The following LOC400499 variants were observed in gnomAD, a reference collection of about 807,000 sequenced individuals.
the LOC400499 span, among the ~76,000 whole-genome samples, chr16:11,440,349 C>T: frequency 6.6e-6 from 1 of 152,192 alleles, no homozygotes; most frequent in South Asian, 2.1e-4. Flanking sequence ...AGAACCCAGG[C>T]AGGAATGACC....
At chr16:11,466,014 T>A in the LOC400499 span, among the ~76,000 whole-genome samples, 1 of 152,158 alleles carries the variant, frequency 6.6e-6, no homozygotes, top group African/African-American at 2.4e-5. Flanking sequence ...GGCAGAATAT[T>A]TGTAAGAGCA....
At chr16:11,455,883 G>T in the LOC400499 span, among the ~76,000 whole-genome samples, 25 of 151,508 alleles carry the variant, frequency 1.7e-4, no homozygotes, top group Non-Finnish European at 2.9e-4. Context: ...TTTAGAAAAC[G>T]TAGTTCAGGT....
At chr16:11,409,873 A>T in the LOC400499 span, among the ~76,000 whole-genome samples, 1 of 132,746 alleles carries the variant, frequency 7.5e-6, no homozygotes, top group African/African-American at 2.6e-5. Flanking sequence ...AAATTTATGT[A>T]ACAGATAAGA....
the LOC400499 span, chr16:11,372,530 C>G: frequency 6.5e-6 from 1 of 153,830 alleles, no homozygotes. Flanking sequence ...GGGAGAGTTT[C>G]ATGTCCCCCG....
chr16:11,475,851 G>A, the LOC400499 span: 118,464 of 387,794 alleles, frequency 0.31, 19,620 homozygotes, highest in African/African-American at 0.47. Context: ...CAGTGCACAC[G>A]CTGGTGTGGT....
the LOC400499 span, among the ~76,000 whole-genome samples, chr16:11,408,514 G>A: frequency 0.014 from 2,127 of 147,558 alleles, 61 homozygotes; most frequent in African/African-American, 0.05. Flanking sequence ...CCAGGCTAGA[G>A]TGTGCAGTGG....
At chr16:11,401,726 C>T in the LOC400499 span, among the ~76,000 whole-genome samples, 3 of 152,230 alleles carry the variant, frequency 2.0e-5, no homozygotes, top group African/African-American at 7.2e-5. Flanking sequence ...ATTTCGTCAT[C>T]TGAACACGGG....
At chr16:11,398,237 G>A in the LOC400499 span, 764 of 955,792 alleles carry the variant, frequency 8.0e-4, 5 homozygotes, top group African/African-American at 0.011. Context: ...CGATGGTGGC[G>A]TCTGGCTGCC....
chr16:11,429,089 G>C, the LOC400499 span, among the ~76,000 whole-genome samples: 1 of 152,166 alleles, frequency 6.6e-6, no homozygotes, highest in East Asian at 1.9e-4. Flanking sequence ...GGGTGATATG[G>C]TTTGGACCTG....
the LOC400499 span, among the ~76,000 whole-genome samples, chr16:11,498,247 G>A: frequency 1.3e-4 from 20 of 152,196 alleles, no homozygotes; most frequent in Admixed American, 1.2e-3. Flanking sequence ...TTGGGAGGCC[G>A]AAGCAGGCAA....
At chr16:11,386,839 T>A in the LOC400499 span, among the ~76,000 whole-genome samples, 38,580 of 152,162 alleles carry the variant, frequency 0.25, 5,462 homozygotes, top group African/African-American at 0.38. Flanking sequence ...TCCAGCTGGA[T>A]CTGGAGGGCT....
At chr16:11,374,631 G>T in the LOC400499 span, among the ~76,000 whole-genome samples, 2 of 152,258 alleles carry the variant, frequency 1.3e-5, no homozygotes, top group South Asian at 2.1e-4. Flanking sequence ...GTCCTCAAGG[G>T]TCATCCATGT....
At chr16:11,372,717 C>T in the LOC400499 span, 30 of 981,912 alleles carry the variant, frequency 3.1e-5, no homozygotes, top group East Asian at 2.6e-3. Context: ...CAGCCTAGTG[C>T]TGGCATAGAC....
the LOC400499 span, chr16:11,411,363 A>G: frequency 2.5e-6 from 1 of 399,214 alleles, no homozygotes. Context: ...GAAGCTGGCA[A>G]GACAGCACCT....
At chr16:11,387,424 G>T in the LOC400499 span, 2 of 695,058 alleles carry the variant, frequency 2.9e-6, no homozygotes, top group Non-Finnish European at 4.0e-6. Context: ...TTCAGGGAGG[G>T]GCTGTCCTTG....
the LOC400499 span, chr16:11,478,688 G>C: frequency 2.5e-6 from 1 of 399,052 alleles, no homozygotes; most frequent in African/African-American, 2.1e-5. Flanking sequence ...CGGGTCACCT[G>C]GGGGAGAGCC....
At chr16:11,496,683 G>A in the LOC400499 span, among the ~76,000 whole-genome samples, 1 of 152,214 alleles carries the variant, frequency 6.6e-6, no homozygotes, top group Middle Eastern at 3.4e-3. Flanking sequence ...TGTGTGTACT[G>A]TGTGTCCCTT....
the LOC400499 span, chr16:11,407,119 G>T: frequency 2.5e-6 from 1 of 397,852 alleles, no homozygotes; most frequent in Non-Finnish European, 4.4e-6. Context: ...GGGACACTAG[G>T]ACAATTTTTC....
the LOC400499 span, among the ~76,000 whole-genome samples, chr16:11,508,436 A>G: frequency 6.6e-6 from 1 of 152,236 alleles, no homozygotes; most frequent in Non-Finnish European, 1.5e-5. Flanking sequence ...ACTGTGAGTC[A>G]AAAGGACTGT....
Sources: allele counts gnomAD v4.1 joint callset (sites outside exome capture counted in the v4.1 genomes callset), GRCh38; gene constraint gnomAD v4.1.1; transcripts MANE v1.5.